The following DSCC1 variants were observed in gnomAD, a reference collection of about 807,000 sequenced individuals.
The protein encoded by DSCC1 is sister chromatid cohesion protein DCC1.
DSCC1 carries 32 observed loss-of-function variants against 48.2 expected under a neutral mutation model. The ratio of observed to expected loss-of-function variants is 0.66; its 90% CI spans 0.50 to 0.89. The LOEUF (loss-of-function observed/expected upper bound fraction) is 0.89, where lower values mean the gene tolerates loss of function less well. Among genes scored for constraint, DSCC1 ranks in the 40% least tolerant of loss-of-function variants. The probability of loss-of-function intolerance (pLI) is 0.00; values close to 1 mark genes in which losing one functional copy is unlikely to be tolerated. For missense variants in DSCC1, 421 were observed against 471.7 expected (o/e 0.89, Z 1.00); for synonymous variants, 150 against 171.5 (o/e 0.87, Z 0.98).
intron 4 of DSCC1, among the ~76,000 whole-genome samples, chr8:119,844,131 T>G (rs914192823): frequency 6.6e-6 from 1 of 152,052 alleles, no homozygotes; most frequent in African/African-American, 2.4e-5. Flanking sequence ...AGCATACTTT[T>G]GCTCACTGCA....
Position 119,838,398 on chromosome 8 carries a change from G to T in DSCC1, c.934C>A (p.Leu312Met). The change falls in exon 8 of 9, where the codon CTG becomes ATG. Residue 312 changes from leucine (L) to methionine (M), a missense_variant. By Grantham distance (15) the Leu-to-Met change is conservative. Around this residue, in one of 3 missense-constraint regions of DSCC1, gnomAD observed 238 missense variants for 259.0 expected, o/e 0.92. Coordinates refer to ENST00000313655, the MANE Select transcript of DSCC1 (RefSeq NM_024094.3). ...TSLDQLKGLALVDRHSRPEII... is the reference protein window; with the variant it reads ...TSLDQLKGLAMVDRHSRPEII... ...TCTGGTCTCGAGTGTCTATCCACCA[G>T]CGCTAAACCCTACAAGAAATGAGAA... 1.3e-6 allele frequency: 2 copies of T among 1,583,768 alleles called. No individual in the cohort carries two copies. Among genetic ancestry groups the T allele is most frequent in the Non-Finnish European group, 1.7e-6 (2 of 1,170,074 alleles).
chr8:119,847,577 T>G (rs1269040107), intron 3 of DSCC1, among the ~76,000 whole-genome samples: 1 of 151,434 alleles, frequency 6.6e-6, no homozygotes, highest in Admixed American at 6.6e-5. Context: ...TAGAGATGGA[T>G]AGTGCTAATG....
In DSCC1 at chr8:119,850,477, GTCT is replaced by G; in HGVS notation, c.388_390del (p.Arg132del). 1 of 1,591,498 alleles carries G rather than the reference GTCT, an allele frequency of 6.3e-7. No individual in the cohort carries two copies. Among genetic ancestry groups the G allele is most frequent in the East Asian group, 2.3e-5 (1 of 43,778 alleles). On this transcript the variant is annotated inframe_deletion, in exon 3 of 9. Transcript: ENST00000313655. ...TTTAGCTTCTTTAACTTGGGTCTAC[GTCT>G]TCTTAATTCCCAATAATTATTAGAA...
At chr8:119,843,122 T>C (rs1011849351) in intron 5 of DSCC1, among the ~76,000 whole-genome samples, 1 of 147,004 alleles carries the variant, frequency 6.8e-6, no homozygotes, top group African/African-American at 2.6e-5. Context: ...TTATTTTATT[T>C]TTTTTTTTTT....
At chr8:119,848,469 A>G (rs1000130730) in intron 3 of DSCC1, among the ~76,000 whole-genome samples, 1 of 152,220 alleles carries the variant, frequency 6.6e-6, no homozygotes, top group Non-Finnish European at 1.5e-5. Flanking sequence ...CCGAATGGGC[A>G]TTTCTCCAAA....
chr8:119,850,539 C>T (rs1302389246), intron 2 of DSCC1, 23 bp from the exon 3 acceptor site: 5 of 1,536,940 alleles, frequency 3.3e-6, no homozygotes, highest in Non-Finnish European at 4.4e-6. Context: ...TATATCGTAA[C>T]CTTTTAGGGG....
chr8:119,853,276 T>TA, intron 1 of DSCC1, 61 bp from the exon 2 acceptor site: 1 of 1,522,776 alleles, frequency 6.6e-7, no homozygotes, highest in Non-Finnish European at 8.9e-7. Flanking sequence ...ATTTTCATCA[T>TA]AAACAGTTCT....
rs770098059 is a variant in DSCC1 at position 119,834,882 on chromosome 8, CCG to C, written c.*9_*10del. ...AGCAACTTGAGTCCTGAAGAAAAGACCGTTGTTCTTTTAAGAAATGGGTCTTC... is the reference window on the plus strand; with the variant it reads ...AGCAACTTGAGTCCTGAAGAAAAGACTTGTTCTTTTAAGAAATGGGTCTTC... On this transcript the variant is annotated 3_prime_UTR_variant, in exon 9 of 9. Transcript: ENST00000313655. The C allele has an allele frequency of 6.5e-7, 1 of 1,537,022 alleles. No individual in the cohort carries two copies. The highest frequency in any genetic ancestry group is 1.1e-5 in the South Asian group (1 of 87,576).
chr8:119,834,974 T>A lies in DSCC1; in HGVS notation c.1101A>T (p.Ile367=). 1 of 1,607,056 alleles carries A rather than the reference T, an allele frequency of 6.2e-7. No homozygotes were observed. Among genetic ancestry groups the A allele is most frequent in the South Asian group, 1.1e-5 (1 of 89,310 alleles). Residue 367 remains isoleucine, a synonymous_variant, in exon 9 of 9, where the codon ATA becomes ATT. Transcript: ENST00000313655. ...IQDLCGEKQT[I]GALLTKYSHS... ...GAGAATATTTAGTGAGTAATGCACC[T>A]ATGGTTTGCTTCTCTCCACACAAAT...
intron 3 of DSCC1, among the ~76,000 whole-genome samples, 176 bp downstream of exon 3, chr8:119,850,206 T>C (rs1052919565): frequency 2.0e-5 from 3 of 152,134 alleles, no homozygotes; most frequent in African/African-American, 7.2e-5. Context: ...ATGACAAATA[T>C]ATGGGGGTCA....
chr8:119,844,338 C>G (rs1225868041), intron 4 of DSCC1, among the ~76,000 whole-genome samples: 1 of 150,150 alleles, frequency 6.7e-6, no homozygotes, highest in Non-Finnish European at 1.5e-5. Flanking sequence ...GCTCAGGAGG[C>G]TGAGGCATGA....
intron 8 of DSCC1, among the ~76,000 whole-genome samples, chr8:119,835,643 TCAAA>T (rs879593610): frequency 3.3e-5 from 5 of 152,178 alleles, no homozygotes; most frequent in African/African-American, 4.8e-5. Context: ...TTGTACAACT[TCAAA>T]GTCTATGCTA....
At chr8:119,837,993 G>T (rs1021701297) in intron 8 of DSCC1, among the ~76,000 whole-genome samples, 2 of 152,164 alleles carry the variant, frequency 1.3e-5, no homozygotes, top group African/African-American at 4.8e-5. Context: ...CCTGTATTTT[G>T]TCCCTCAAAG....
At chr8:119,843,539 A>C in intron 5 of DSCC1, 70 bp downstream of exon 5, 1 of 1,528,032 alleles carries the variant, frequency 6.5e-7, no homozygotes, top group Non-Finnish European at 8.8e-7. Flanking sequence ...CCCTGGGTTT[A>C]ATTCCAATCT....
chr8:119,844,267 A>G (rs1826817946), intron 4 of DSCC1, among the ~76,000 whole-genome samples: 1 of 151,832 alleles, frequency 6.6e-6, no homozygotes, highest in Admixed American at 6.6e-5. Flanking sequence ...GTGAAACCCC[A>G]TCTCGACTAA....
intron 7 of DSCC1, chr8:119,838,735 GT>G (rs1009466017): frequency 2.4e-5 from 4 of 169,754 alleles, no homozygotes; most frequent in Admixed American, 6.5e-5. Context: ...TTTCTATTTT[GT>G]TTTTTTTTCC....
chr8:119,855,640 C>T lies in DSCC1; in HGVS notation c.156G>A (p.Leu52=). The part of the protein sequence containing the change: ...DFCLLELEPT[L]CQQLEDGHSL... ...TGTGTCCATCCTCCAGCTGCTGGCA[C>T]AGCGTGGGCTCCAGCTCCAGCAGGC... is the stretch of plus-strand genomic sequence containing the variant. The change falls in exon 1 of 9, where the codon CTG becomes CTA. Residue 52 remains leucine, a synonymous_variant. Transcript: ENST00000313655. 6.5e-7 allele frequency: 1 copy of T among 1,546,452 alleles called. No homozygotes were observed. The highest frequency in any genetic ancestry group is 8.7e-7 in the Non-Finnish European group (1 of 1,146,386).
chr8:119,848,176 T>A (rs1163754581), intron 3 of DSCC1, among the ~76,000 whole-genome samples: 2 of 152,140 alleles, frequency 1.3e-5, no homozygotes, highest in Non-Finnish European at 2.9e-5. Context: ...TTGCCCAGAC[T>A]GGTCTCAAAC....
rs140760740 is a variant in DSCC1, at chr8:119,837,106, T to C, written c.1073+1153A>G. Among the ~76,000 whole-genome samples the C allele has an allele frequency of 7.9e-5, 12 of 152,330 alleles. No individual in the cohort carries two copies. In the East Asian group the frequency reaches 1.7e-3, roughly 22 times the overall value. On this transcript the variant is annotated intron_variant, in intron 8 of 8. Coordinates refer to ENST00000313655, the MANE Select transcript of DSCC1 (RefSeq NM_024094.3). The stretch of plus-strand genomic sequence containing the variant: ...TATAGGAAACTTGTAAAAGGCATTT[T>C]CTTATGAAGGAGAGCAAAGGACATA...
Sources: allele counts gnomAD v4.1 joint callset (sites outside exome capture counted in the v4.1 genomes callset), GRCh38; gene constraint gnomAD v4.1.1; regional missense constraint gnomAD v4.1.1; transcripts MANE v1.5; gene names NCBI Gene and HGNC (gene_info 2026-07-23, HGNC 2026-07-21).